C7orf78: variants seen among roughly 807,000 people sequenced by gnomAD.
C7orf78 encodes the protein chromosome 7 open reading frame 78.
chr7:12,495,902 T>C, the C7orf78 span, among the ~76,000 whole-genome samples: 2 of 152,124 alleles, frequency 1.3e-5, no homozygotes, highest in East Asian at 1.9e-4. Flanking sequence ...CGTTCCCAAA[T>C]TTGTGGAGCT....
At chr7:12,499,460 A>G in the C7orf78 span, among the ~76,000 whole-genome samples, 1 of 149,882 alleles carries the variant, frequency 6.7e-6, no homozygotes, top group African/African-American at 2.5e-5. Flanking sequence ...CTTTAAACCA[A>G]CAAAGATCAA....
At chr7:12,487,362 A>G in the C7orf78 span, among the ~76,000 whole-genome samples, 2 of 152,064 alleles carry the variant, frequency 1.3e-5, no homozygotes, top group African/African-American at 2.4e-5. Context: ...ATAAACTCAA[A>G]TAAAAGTAAG....
chr7:12,530,439 T>C, the C7orf78 span: 2 of 152,162 alleles, frequency 1.3e-5, no homozygotes, highest in Non-Finnish European at 2.9e-5. Flanking sequence ...AAATCGGTAT[T>C]TTGTTGCTGC....
the C7orf78 span, among the ~76,000 whole-genome samples, chr7:12,509,672 C>T: frequency 2.6e-5 from 4 of 152,142 alleles, no homozygotes; most frequent in Non-Finnish European, 5.9e-5. Context: ...TCTCTATGTC[C>T]ATGTGATCAA....
the C7orf78 span, among the ~76,000 whole-genome samples, chr7:12,515,612 T>G: frequency 6.6e-6 from 1 of 152,162 alleles, no homozygotes; most frequent in Admixed American, 6.5e-5. Context: ...GGAAAATGTG[T>G]GAAAGTTTGG....
the C7orf78 span, chr7:12,506,807 A>G: frequency 7.7e-6 from 3 of 388,680 alleles, no homozygotes; most frequent in African/African-American, 6.4e-5. Context: ...AGGGACAGAG[A>G]TGACTACTGC....
chr7:12,505,864 A>G, the C7orf78 span: 1 of 152,306 alleles, frequency 6.6e-6, no homozygotes, highest in African/African-American at 2.4e-5. Flanking sequence ...TGATTCTGTG[A>G]TTTATATACA....
At chr7:12,509,712 C>T in the C7orf78 span, among the ~76,000 whole-genome samples, 4 of 152,156 alleles carry the variant, frequency 2.6e-5, no homozygotes, top group African/African-American at 7.2e-5. Flanking sequence ...TGAGTGAGAA[C>T]ATGCAGTGTT....
At chr7:12,527,591 A>T in the C7orf78 span, among the ~76,000 whole-genome samples, 62 of 101,148 alleles carry the variant, frequency 6.1e-4, no homozygotes, top group South Asian at 0.017. Flanking sequence ...GTATATGCTA[A>T]GTGTCACTCA....
chr7:12,532,563 G>A, the C7orf78 span, among the ~76,000 whole-genome samples: 671 of 138,726 alleles, frequency 4.8e-3, 8 homozygotes, highest in African/African-American at 0.016. Flanking sequence ...AAAAAAAAAA[G>A]AAAAAGAAAA....
At chr7:12,492,546 T>A in the C7orf78 span, among the ~76,000 whole-genome samples, 1 of 152,230 alleles carries the variant, frequency 6.6e-6, no homozygotes, top group Non-Finnish European at 1.5e-5. Flanking sequence ...TGAGTTGGCA[T>A]GCATATGCAT....
chr7:12,506,246 G>T, the C7orf78 span, among the ~76,000 whole-genome samples: 1 of 152,162 alleles, frequency 6.6e-6, no homozygotes, highest in African/African-American at 2.4e-5. Flanking sequence ...ATTCCTCAAG[G>T]ATCTAGAGCT....
the C7orf78 span, chr7:12,491,047 T>A: frequency 2.0e-5 from 3 of 152,132 alleles, no homozygotes; most frequent in Admixed American, 6.5e-5. Flanking sequence ...GAGGAAGTAT[T>A]CAGGACCATC....
the C7orf78 span, chr7:12,523,477 A>G: frequency 2.5e-6 from 1 of 397,424 alleles, no homozygotes; most frequent in Non-Finnish European, 4.4e-6. Context: ...AAGGGGAACT[A>G]TGTATTATTT....
chr7:12,516,313 G>A, the C7orf78 span, among the ~76,000 whole-genome samples: 3 of 152,230 alleles, frequency 2.0e-5, no homozygotes, highest in African/African-American at 4.8e-5. Context: ...GAACCTGCGA[G>A]TGCACAGAAG....
At chr7:12,538,086 A>G in the C7orf78 span, among the ~76,000 whole-genome samples, 1 of 152,186 alleles carries the variant, frequency 6.6e-6, no homozygotes, top group African/African-American at 2.4e-5. Context: ...GGTTACATAG[A>G]TGCATTCACT....
At chr7:12,524,975 G>A in the C7orf78 span, among the ~76,000 whole-genome samples, 8 of 152,240 alleles carry the variant, frequency 5.3e-5, no homozygotes, top group African/African-American at 1.4e-4. Context: ...GTTATAAATT[G>A]TGTAACCACC....
chr7:12,483,776 G>A, the C7orf78 span: 4 of 151,602 alleles, frequency 2.6e-5, no homozygotes, highest in Admixed American at 1.3e-4. Context: ...GACTTGGGAG[G>A]CTGAGGCAGG....
At chr7:12,519,348 T>A in the C7orf78 span, among the ~76,000 whole-genome samples, 1 of 152,150 alleles carries the variant, frequency 6.6e-6, no homozygotes, top group East Asian at 1.9e-4. Flanking sequence ...CAGCCCCTAG[T>A]GGCAGCAAGA....
Sources: gnomAD v4.1 joint callset for allele counts (sites outside exome capture counted in the v4.1 genomes callset) on GRCh38, gnomAD v4.1.1 for gene constraint, MANE v1.5 for transcripts, NCBI Gene and HGNC (gene_info 2026-07-23, HGNC 2026-07-21) for gene names.